Variants in FNIP1 observed in about 807,000 individuals in gnomAD.
FNIP1 encodes the protein folliculin-interacting protein 1.
FNIP1 carries 40 observed loss-of-function variants against 124.5 expected under a neutral mutation model. The ratio of observed to expected loss-of-function variants is 0.32; its 90% CI spans 0.25 to 0.42. The LOEUF is 0.42. FNIP1 is among the 10% of genes least tolerant of loss of function. FNIP1 has a pLI of 1.00. For synonymous variants in FNIP1, 472 were observed against 470.6 expected, an observed-to-expected ratio of 1.00 and a Z score of -0.04; for missense variants, 1,176 against 1,403.7, an observed-to-expected ratio of 0.84 and a Z score of 2.59.
intron 1 of FNIP1, among the ~76,000 whole-genome samples, chr5:131,748,077 T>C (rs1770742535): frequency 1.3e-5 from 2 of 151,720 alleles, no homozygotes; most frequent in Admixed American, 1.3e-4. Flanking sequence ...GTCAAGCAGG[T>C]GAAGGCAAGT....
chr5:131,711,832 T>C (rs1769300514), intron 6 of FNIP1, among the ~76,000 whole-genome samples: 1 of 152,232 alleles, frequency 6.6e-6, no homozygotes, highest in Non-Finnish European at 1.5e-5. Flanking sequence ...ATATTATTTT[T>C]CTGTAGCAAG....
chr5:131,714,285 T>TCC (rs1324440560), intron 6 of FNIP1, among the ~76,000 whole-genome samples: 1 of 152,144 alleles, frequency 6.6e-6, no homozygotes, highest in East Asian at 1.9e-4. Context: ...TACCCCTCTC[T>TCC]CCTTCATTCA....
intron 1 of FNIP1, among the ~76,000 whole-genome samples, chr5:131,771,871 C>A (rs1771645383): frequency 6.6e-6 from 1 of 152,118 alleles, no homozygotes; most frequent in Non-Finnish European, 1.5e-5. Context: ...ATGTTCCATT[C>A]CACCTACGCA....
At chr5:131,736,536 C>T (rs1171344269) in intron 2 of FNIP1, among the ~76,000 whole-genome samples, 1 of 152,182 alleles carries the variant, frequency 6.6e-6, no homozygotes, top group Non-Finnish European at 1.5e-5. Context: ...GGAACCAGGC[C>T]ACATGGCAAG....
At chr5:131,793,616 G>T (rs1772482399) in intron 1 of FNIP1, among the ~76,000 whole-genome samples, 2 of 152,164 alleles carry the variant, frequency 1.3e-5, no homozygotes, top group South Asian at 2.1e-4. Flanking sequence ...AGGGAAGGGG[G>T]TATTTCCTGG....
At chr5:131,737,539 A>G (rs1177237282) in intron 2 of FNIP1, among the ~76,000 whole-genome samples, 1 of 152,126 alleles carries the variant, frequency 6.6e-6, no homozygotes, top group Non-Finnish European at 1.5e-5. Flanking sequence ...CCCATAGTCT[A>G]AGCTTAAAAT....
chr5:131,655,984 A>T (rs1767181934), intron 15 of FNIP1, among the ~76,000 whole-genome samples: 1 of 152,094 alleles, frequency 6.6e-6, no homozygotes, highest in South Asian at 2.1e-4. Context: ...AGGCAGGAGG[A>T]TCCCTTAAGC....
intron 11 of FNIP1, among the ~76,000 whole-genome samples, chr5:131,690,406 A>T (rs1768439550): frequency 6.6e-6 from 1 of 152,136 alleles, no homozygotes; most frequent in African/African-American, 2.4e-5. Flanking sequence ...ATGTCAAGGG[A>T]TCAAGACCAT....
Position 131,659,964 on chromosome 5 carries a change from G to T in FNIP1, c.3109-7965C>A, listed in dbSNP as rs564182269. 6.2e-4 allele frequency among the ~76,000 whole-genome samples: 94 copies of T among 152,320 alleles called. 1 individual carries two copies. Among genetic ancestry groups the T allele is most frequent in the Middle Eastern group, 3.4e-3 (1 of 294 alleles). On this transcript the variant is annotated intron_variant, in intron 15 of 17. Coordinates refer to ENST00000510461, the MANE Select transcript of FNIP1 (RefSeq NM_133372.3). ...TCTGGGCCTTGTTGCTCACATAGAA[G>T]TCCTTCCGACCCATGCCCATCATCA...
At chr5:131,718,408 C>T (rs1769542718) in intron 5 of FNIP1, among the ~76,000 whole-genome samples, 1 of 152,170 alleles carries the variant, frequency 6.6e-6, no homozygotes, top group African/African-American at 2.4e-5. Context: ...TCTGATATGG[C>T]ACCTGCAAAA....
chr5:131,647,529 C>G (rs1175961186), intron 16 of FNIP1, among the ~76,000 whole-genome samples: 2 of 151,690 alleles, frequency 1.3e-5, no homozygotes, highest in African/African-American at 4.8e-5. Flanking sequence ...GGCTGGAGTG[C>G]AAAGCGCGAC....
chr5:131,678,999 G>T, intron 12 of FNIP1, 30 bp downstream of exon 12: 2 of 1,467,818 alleles, frequency 1.4e-6, no homozygotes, highest in Non-Finnish European at 1.9e-6. Flanking sequence ...TTACAATCTA[G>T]ATATCTAGTT....
chr5:131,687,296 G>A (rs1329654559), intron 11 of FNIP1, among the ~76,000 whole-genome samples: 1 of 151,966 alleles, frequency 6.6e-6, no homozygotes, highest in Non-Finnish European at 1.5e-5. Context: ...TGTAGAGACA[G>A]AGTTTCACCA....
At position 131,706,473 on chromosome 5, in the gene FNIP1, G is replaced by T; in HGVS notation, c.852C>A (p.Ser284Arg). ...GGCTGCGTCGCCAACGTCGCTGGTA[G>T]CTGCTGGCACAACTTCGGGTAAGTG... ...NSSLTRSCAS[S>R]YQRRWRRSQT... The change falls in exon 9 of 18, where the codon AGC (serine) becomes AGA (arginine). Residue 284 changes from serine to arginine, a missense_variant. This residue lies in a region of FNIP1 where 1,109 missense variants were observed against 1,288.5 expected (regional missense o/e 0.86). Coordinates refer to ENST00000510461, the MANE Select transcript of FNIP1 (RefSeq NM_133372.3). 1 of 1,613,454 alleles carries T rather than the reference G, an allele frequency of 6.2e-7. No individual in the cohort carries two copies. The highest frequency in any genetic ancestry group is 8.5e-7 in the Non-Finnish European group (1 of 1,179,596).
chr5:131,652,676 C>A (rs1767075719), intron 15 of FNIP1, among the ~76,000 whole-genome samples: 1 of 152,100 alleles, frequency 6.6e-6, no homozygotes. Flanking sequence ...CAGGACAGGA[C>A]AGGACAGATG....
At chr5:131,647,252 ACTCTC>A (rs1372978986) in intron 16 of FNIP1, 47 bp from the exon 17 acceptor site, 4 of 1,399,514 alleles carry the variant, frequency 2.9e-6, no homozygotes, top group Non-Finnish European at 4.1e-6. Context: ...ACAGTTTGCA[ACTCTC>A]AGTCATGGCA....
At chr5:131,686,846 T>C (rs1768291667) in intron 11 of FNIP1, among the ~76,000 whole-genome samples, 1 of 152,050 alleles carries the variant, frequency 6.6e-6, no homozygotes, top group African/African-American at 2.4e-5. Context: ...ATTACAGGCA[T>C]GCGCCACCAA....
chr5:131,700,413 G>A (rs901340117), intron 10 of FNIP1, among the ~76,000 whole-genome samples: 3 of 152,074 alleles, frequency 2.0e-5, no homozygotes, highest in Admixed American at 1.3e-4. Context: ...AAAGAGAATT[G>A]AATTCTGTAT....
At chr5:131,673,801 C>T (rs1193491277) in intron 13 of FNIP1, among the ~76,000 whole-genome samples, 1 of 152,020 alleles carries the variant, frequency 6.6e-6, no homozygotes, top group Admixed American at 6.6e-5. Flanking sequence ...TCTGAGAGGC[C>T]GAGATGGGTG....
Sources: gnomAD v4.1 joint callset for allele counts (sites outside exome capture counted in the v4.1 genomes callset) on GRCh38, gnomAD v4.1.1 for gene constraint, gnomAD v4.1.1 regional missense constraint, MANE v1.5 for transcripts, NCBI Gene and HGNC (gene_info 2026-07-23, HGNC 2026-07-21) for gene names.